Variants in ROR1 observed in about 807,000 individuals in gnomAD.
The protein encoded by ROR1 is ROR family WNT receptor 1.
In ROR1, 19 loss-of-function variants were observed where a neutral mutation model predicts 78.8. The ratio of observed to expected loss-of-function variants is 0.24; its 90% confidence interval spans 0.17 to 0.35. ROR1 has a LOEUF of 0.35. ROR1 is among the 10% of genes least tolerant of loss of function. ROR1 has a pLI of 1.00. For synonymous variants in ROR1, 386 were observed against 433.6 expected, an observed-to-expected ratio of 0.89 and a Z score of 1.36; for missense variants, 917 against 1,177.8, an observed-to-expected ratio of 0.78 and a Z score of 3.24.
intron 4 of ROR1, among the ~76,000 whole-genome samples, chr1:64,104,432 A>G (rs1298890769): frequency 6.6e-6 from 1 of 152,170 alleles, no homozygotes; most frequent in Non-Finnish European, 1.5e-5. Context: ...TCCTCTACTA[A>G]TCAATATAGC....
At chr1:63,894,658 G>A (rs1338784379) in intron 1 of ROR1, among the ~76,000 whole-genome samples, 3 of 152,112 alleles carry the variant, frequency 2.0e-5, no homozygotes, top group Non-Finnish European at 4.4e-5. Context: ...AAAAGGACTT[G>A]ATTCTTTATT....
rs139743098 is a variant in ROR1 at position 64,002,915 on chromosome 1, A to T, written c.92-6390A>T. Among the ~76,000 whole-genome samples the T allele has an allele frequency of 6.0e-3, 918 of 152,206 alleles. 2 individuals are homozygous for T. The highest frequency in any genetic ancestry group is 0.014 in the Middle Eastern group (4 of 294). ...TGAAGGGGGTTTAAGCCAGGGAGCA[A>T]GTGGTTATGTCTCTCAGCTCCTTCC... On this transcript the variant is annotated intron_variant, in intron 1 of 8. Transcript: ENST00000371079.
intron 4 of ROR1, among the ~76,000 whole-genome samples, chr1:64,134,037 G>A (rs1649018305): frequency 6.6e-6 from 1 of 152,150 alleles, no homozygotes; most frequent in Admixed American, 6.5e-5. Context: ...TCTAAGCAGT[G>A]CAAAAACTCC....
chr1:64,124,993 C>T (rs1282694925), intron 4 of ROR1, among the ~76,000 whole-genome samples: 1 of 152,176 alleles, frequency 6.6e-6, no homozygotes, highest in Admixed American at 6.6e-5. Context: ...CTACCATGTT[C>T]CATGGTCTCT....
intron 1 of ROR1, among the ~76,000 whole-genome samples, chr1:63,780,785 A>G (rs74486015): frequency 0.012 from 1,762 of 152,334 alleles, 36 homozygotes; most frequent in African/African-American, 0.039. Context: ...TTTTCAGAAC[A>G]GCAAGCTCTT....
At chr1:63,844,904 G>C (rs1341928899) in intron 1 of ROR1, among the ~76,000 whole-genome samples, 1 of 152,152 alleles carries the variant, frequency 6.6e-6, no homozygotes, top group Non-Finnish European at 1.5e-5. Flanking sequence ...TGGAGGAGGG[G>C]TAGAAAGGAG....
intron 1 of ROR1, among the ~76,000 whole-genome samples, chr1:63,956,768 T>C (rs1035522092): frequency 6.6e-6 from 1 of 152,224 alleles, no homozygotes; most frequent in Non-Finnish European, 1.5e-5. Context: ...CGAACCTGAC[T>C]GAAGAGTATA....
chr1:63,953,769 G>A (rs147022370), intron 1 of ROR1, among the ~76,000 whole-genome samples: 6 of 152,296 alleles, frequency 3.9e-5, no homozygotes, highest in Non-Finnish European at 5.9e-5. Flanking sequence ...GAGGTTTGTA[G>A]GGCAGGAGAT....
intron 1 of ROR1, among the ~76,000 whole-genome samples, chr1:63,869,333 G>A (rs1187761578): frequency 6.6e-6 from 1 of 152,220 alleles, no homozygotes; most frequent in Non-Finnish European, 1.5e-5. Context: ...CAGGGAGTCT[G>A]AATATACTGG....
At position 63,894,763 on chromosome 1, in the gene ROR1, C is replaced by T. The variant is rs572134867; in HGVS notation, c.92-114542C>T. Among the ~76,000 whole-genome samples the T allele has an allele frequency of 2.4e-4, 36 of 152,274 alleles. No homozygotes were observed. The South Asian group carries it at 7.5e-3, about 32-fold the overall frequency. ...GTGAGAAAGACGAAACTGGTAGTTA[C>T]AAATATTCTACAAATTGTTAGAATA... On this transcript the variant is annotated intron_variant, in intron 1 of 8. Transcript: ENST00000371079.
At chr1:63,786,571 CTTTTTTTTTTT>C (rs10530236) in intron 1 of ROR1, among the ~76,000 whole-genome samples, 2 of 113,342 alleles carry the variant, frequency 1.8e-5, no homozygotes, top group African/African-American at 3.5e-5. Flanking sequence ...CGCGCCTGGC[CTTTTTTTTTTT>C]TTTTTTTTTT....
intron 1 of ROR1, among the ~76,000 whole-genome samples, chr1:63,808,842 T>G (rs952996473): frequency 2.9e-5 from 3 of 103,262 alleles, no homozygotes; most frequent in Non-Finnish European, 4.9e-5. Context: ...TTCATTTATG[T>G]TTTTTTTTTT....
intron 1 of ROR1, among the ~76,000 whole-genome samples, chr1:63,808,844 T>G (rs1644844084): frequency 6.6e-6 from 1 of 151,730 alleles, no homozygotes; most frequent in South Asian, 2.1e-4. Context: ...CATTTATGTT[T>G]TTTTTTTTTT....
intron 4 of ROR1, among the ~76,000 whole-genome samples, chr1:64,089,639 T>C (rs1202513193): frequency 2.0e-5 from 3 of 152,188 alleles, no homozygotes; most frequent in Non-Finnish European, 4.4e-5. Context: ...TAATAATAAC[T>C]GAGACACATC....
intron 7 of ROR1, among the ~76,000 whole-genome samples, chr1:64,146,533 A>G (rs1353604944): frequency 6.6e-6 from 1 of 152,196 alleles, no homozygotes; most frequent in East Asian, 1.9e-4. Context: ...CTAGGTAAAC[A>G]CTATTGTTCT....
chr1:63,919,406 C>T (rs1280391049), intron 1 of ROR1, among the ~76,000 whole-genome samples: 1 of 150,604 alleles, frequency 6.6e-6, no homozygotes, highest in African/African-American at 2.4e-5. Context: ...TGCCAAAAAT[C>T]AGCCCAGAGA....
At chr1:63,812,830 A>G (rs759273981) in intron 1 of ROR1, among the ~76,000 whole-genome samples, 2 of 152,108 alleles carry the variant, frequency 1.3e-5, no homozygotes, top group African/African-American at 2.4e-5. Flanking sequence ...GGGAGGAATT[A>G]TTGATCCTAG....
intron 5 of ROR1, among the ~76,000 whole-genome samples, chr1:64,138,637 C>T (rs1043011979): frequency 6.6e-5 from 10 of 151,470 alleles, no homozygotes; most frequent in African/African-American, 2.4e-4. Context: ...GCTCTGCTTC[C>T]TAGGTTCATG....
At chr1:64,101,567 C>G (rs1172199373) in intron 4 of ROR1, among the ~76,000 whole-genome samples, 1 of 152,134 alleles carries the variant, frequency 6.6e-6, no homozygotes, top group Non-Finnish European at 1.5e-5. Flanking sequence ...AGCTCCTGTT[C>G]TAAGAACGAA....
Sources: allele counts gnomAD v4.1 joint callset (sites outside exome capture counted in the v4.1 genomes callset), GRCh38; gene constraint gnomAD v4.1.1; transcripts MANE v1.5; gene names NCBI Gene and HGNC (gene_info 2026-07-23, HGNC 2026-07-21).